The following C16orf96 variants were observed in gnomAD, a reference collection of about 807,000 sequenced individuals.
C16orf96 encodes chromosome 16 open reading frame 96, also known as uncharacterized protein C16orf96.
C16orf96 carries 108 observed loss-of-function variants against 103.6 expected under a neutral mutation model. The ratio of observed to expected loss-of-function variants is 1.04; its 90% CI spans 0.89 to 1.22. C16orf96 has a LOEUF of 1.22. Ranked by LOEUF, C16orf96 falls within the 50% of genes most tolerant of loss-of-function variation. The probability of loss-of-function intolerance (pLI) is 0.00; values close to 1 mark genes in which losing one functional copy is unlikely to be tolerated. For synonymous variants in C16orf96, 566 were observed against 593.5 expected, an observed-to-expected ratio of 0.95 and a Z score of 0.67; for missense variants, 1,586 against 1,464.2, an observed-to-expected ratio of 1.08 and a Z score of -1.36.
At chr16:4,570,078 G>A (rs1360909655) in intron 1 of C16orf96, among the ~76,000 whole-genome samples, 1 of 150,730 alleles carries the variant, frequency 6.6e-6, no homozygotes, top group Non-Finnish European at 1.5e-5. Flanking sequence ...TAAAGCCAGG[G>A]CGCTTTGTGC....
chr16:4,579,793 G>A (rs1399825067), intron 6 of C16orf96, among the ~76,000 whole-genome samples: 1 of 151,960 alleles, frequency 6.6e-6, no homozygotes, highest in African/African-American at 2.4e-5. Flanking sequence ...TGTATTTTTT[G>A]TAGAGACTGG....
intron 7 of C16orf96, among the ~76,000 whole-genome samples, chr16:4,581,136 GTATACATATATATATATATATATATA>G (rs1596529919): frequency 2.5e-5 from 1 of 40,776 alleles, no homozygotes; most frequent in East Asian, 8.7e-4. Context: ...AAATATATAT[GTATACATATATATATATATATATATA>G]TATATATATA....
chr16:4,541,587 G>A, the C16orf96 span, among the ~76,000 whole-genome samples: 1 of 152,066 alleles, frequency 6.6e-6, no homozygotes, highest in Non-Finnish European at 1.5e-5. Flanking sequence ...AAATAATAGG[G>A]CAGCGCTGCC....
intron 7 of C16orf96, 61 bp from the exon 8 acceptor site, chr16:4,586,978 G>A: frequency 6.9e-7 from 1 of 1,458,188 alleles, no homozygotes; most frequent in Non-Finnish European, 9.4e-7. Context: ...GAGGTGGGAG[G>A]TTGACATTTT....
At chr16:4,569,328 C>A (rs536387987) in intron 1 of C16orf96, among the ~76,000 whole-genome samples, 1 of 152,288 alleles carries the variant, frequency 6.6e-6, no homozygotes, top group South Asian at 2.1e-4. Flanking sequence ...TCAAACTATT[C>A]TTGTTAATTA....
chr16:4,556,539 A>G lies in C16orf96; in HGVS notation c.50A>G (p.Gln17Arg). ...FTELANIAIP[Q>R]CGVLNFKALH... ...GAGCTGGCCAACATCGCCATCCCAC[A>G]GTGCGGGGTGCTGAACTTCAAGGCC... The change falls in exon 1 of 16, where the codon CAG (glutamine) becomes CGG (arginine). Residue 17 changes from glutamine (Q) to arginine (R), a missense_variant. Gln to Arg is a conservative substitution (Grantham distance 43, BLOSUM62 1). Transcript: ENST00000444310. 6.5e-7 allele frequency: 1 copy of G among 1,545,210 alleles called. No homozygotes were observed. Among genetic ancestry groups the G allele is most frequent in the South Asian group, 1.2e-5 (1 of 83,906 alleles).
intron 1 of C16orf96, among the ~76,000 whole-genome samples, chr16:4,563,389 G>A (rs1490989013): frequency 6.6e-6 from 1 of 151,908 alleles, no homozygotes; most frequent in Admixed American, 6.6e-5. Context: ...TCCTGAGTAG[G>A]TAGGACTACA....
the C16orf96 span, among the ~76,000 whole-genome samples, chr16:4,546,385 C>G: frequency 1.3e-5 from 2 of 151,576 alleles, no homozygotes; most frequent in Admixed American, 6.6e-5. Context: ...GTCTTGATCT[C>G]CTGACCTCGT....
the C16orf96 span, among the ~76,000 whole-genome samples, chr16:4,548,043 T>G: frequency 0.011 from 1,647 of 152,218 alleles, 33 homozygotes; most frequent in African/African-American, 0.038. Flanking sequence ...ATGGATGGAT[T>G]GTATGTTAGA....
intron 7 of C16orf96, among the ~76,000 whole-genome samples, chr16:4,582,487 C>T (rs990415039): frequency 1.1e-4 from 16 of 152,030 alleles, no homozygotes; most frequent in Admixed American, 9.2e-4. Flanking sequence ...TTTGAGGCAA[C>T]TTTGAATGGA....
upstream of C16orf96, among the ~76,000 whole-genome samples, chr16:4,555,698 CTTTT>C (rs1166481480): frequency 6.3e-5 from 8 of 127,230 alleles, no homozygotes; most frequent in Non-Finnish European, 8.4e-5. Flanking sequence ...CTTTTCTTTT[CTTTT>C]TTTTTTTTTT....
chr16:4,595,217 G>A (rs1461638326), intron 14 of C16orf96, among the ~76,000 whole-genome samples: 3 of 152,172 alleles, frequency 2.0e-5, no homozygotes. Context: ...GAGAGTGGTC[G>A]TGTGGCAGGA....
At chr16:4,592,495 C>A in intron 11 of C16orf96, 128 bp downstream of exon 11, 1 of 1,115,880 alleles carries the variant, frequency 9.0e-7, no homozygotes, top group South Asian at 1.4e-5. Context: ...ACAGCATTCT[C>A]TCCAGCCATC....
Position 4,556,407 on chromosome 16 carries a change from A to G in C16orf96, c.-83A>G, listed in dbSNP as rs2141685579. ...ACCCCAGGCCTCTGAGGACCAGTCCATGTAGCTCTCGGAACCACTGAAAGC... is the reference window on the plus strand; with the variant it reads ...ACCCCAGGCCTCTGAGGACCAGTCCGTGTAGCTCTCGGAACCACTGAAAGC... On this transcript the variant is annotated 5_prime_UTR_variant, in exon 1 of 16. The change abolishes an upstream ATG in the 5' untranslated region. Coordinates refer to ENST00000444310, the MANE Select transcript of C16orf96 (RefSeq NM_001145011.2). 2 of 1,388,438 alleles carry G rather than the reference A, an allele frequency of 1.4e-6. No individual in the cohort carries two copies. The highest frequency in any genetic ancestry group is 1.9e-6 in the Non-Finnish European group (2 of 1,043,366). The allele number at this position is 1,388,438 out of a possible 1,614,324, so 86.0% of individuals were successfully genotyped here. A position where few individuals can be genotyped will look rare whatever the true frequency, so the allele number is the denominator to read the frequency against.
At chr16:4,548,157 G>A in the C16orf96 span, among the ~76,000 whole-genome samples, 4 of 152,094 alleles carry the variant, frequency 2.6e-5, no homozygotes, top group Non-Finnish European at 5.9e-5. Context: ...CAAAGTAAAC[G>A]CAGGCCCGGA....
chr16:4,587,162 A>G (rs1237706444), intron 8 of C16orf96, 49 bp downstream of exon 8: 1 of 1,488,526 alleles, frequency 6.7e-7, no homozygotes, highest in South Asian at 1.2e-5. Flanking sequence ...TACCCAGGGA[A>G]ACGGCACCAT....
In C16orf96 at chr16:4,587,069, A is replaced by G. The variant is rs1416522953; in HGVS notation, c.2383A>G (p.Met795Val). 6.4e-7 allele frequency: 1 copy of G among 1,551,548 alleles called. No homozygotes were observed. Among genetic ancestry groups the G allele is most frequent in the Non-Finnish European group, 8.7e-7 (1 of 1,146,964 alleles). The change falls in exon 8 of 16, where the codon ATG becomes GTG. Residue 795 changes from methionine to valine, a missense_variant. Met to Val is a conservative substitution (Grantham distance 21). Coordinates refer to ENST00000444310, the MANE Select transcript of C16orf96 (RefSeq NM_001145011.2). ...TLQAQIKRLE[M>V]NKVNKSTMEE... ...CCAGGCTCAAATCAAAAGACTGGAA[A>G]TGAACAAGGTGAATAAGAGCACGAT...
At chr16:4,544,324 G>A in the C16orf96 span, among the ~76,000 whole-genome samples, 1 of 152,136 alleles carries the variant, frequency 6.6e-6, no homozygotes, top group Non-Finnish European at 1.5e-5. Flanking sequence ...TCATTTTTCT[G>A]GCTGGACGCA....
intron 1 of C16orf96, chr16:4,561,278 G>C (rs841206): frequency 0.026 from 4,014 of 152,270 alleles, 101 homozygotes; most frequent in Middle Eastern, 0.044. Flanking sequence ...CCACACTCCA[G>C]CCTGGGTGAC....
Sources: gnomAD v4.1 joint callset for allele counts (sites outside exome capture counted in the v4.1 genomes callset) on GRCh38, gnomAD v4.1.1 for gene constraint, MANE v1.5 for transcripts, NCBI Gene and HGNC (gene_info 2026-07-23, HGNC 2026-07-21) for gene names.